Variants in CEP295 observed in about 807,000 individuals in gnomAD.
CEP295 encodes the protein centrosomal protein of 295 kDa.
Under a neutral mutation model 291.6 loss-of-function variants are expected in CEP295, and 190 were observed. That is an observed-to-expected ratio of 0.65 (90% CI 0.58 to 0.73). The LOEUF (loss-of-function observed/expected upper bound fraction) is 0.73. CEP295 is among the 30% of genes least tolerant of loss of function. The pLI, the probability that CEP295 is intolerant of heterozygous loss-of-function variation, is 0.00. For missense variants in CEP295, 2,863 were observed against 2,949.4 expected (o/e 0.97, Z 0.68); for synonymous variants, 993 against 1,038.8 (o/e 0.96, Z 0.85).
In CEP295 at chr11:93,691,908, G is replaced by A. The variant is rs1257397409; in HGVS notation, c.1430-19G>A. 2.0e-6 allele frequency: 3 copies of A among 1,472,378 alleles called. No homozygotes were observed. Among genetic ancestry groups the A allele is most frequent in the South Asian group, 2.5e-5 (2 of 78,806 alleles). 91.2% of individuals were successfully genotyped at this position (1,472,378 alleles called of 1,614,324 possible). A position where few individuals can be genotyped will look rare whatever the true frequency, so the allele number is the denominator to read the frequency against. On this transcript the variant is annotated intron_variant, in intron 11 of 29. Coordinates refer to ENST00000325212, the MANE Select transcript of CEP295 (RefSeq NM_033395.2). The stretch of plus-strand genomic sequence containing the variant: ...TTCTAAATTATTGAAACTAATTTTT[G>A]TTTGGGGCATTCCCCTAGAAATAAA...
At chr11:93,668,769 CTTGT>C (rs1453796926) in intron 3 of CEP295, 35 bp from the exon 4 acceptor site, 1 of 1,394,002 alleles carries the variant, frequency 7.2e-7, no homozygotes, top group Non-Finnish European at 9.7e-7. Context: ...TTCTATTATT[CTTGT>C]TTAACATGAC....
chr11:93,728,891 T>G lies in CEP295; in HGVS notation c.7302+70T>G, dbSNP rs77135642. 4,468 of 1,359,926 alleles carry G rather than the reference T, an allele frequency of 3.3e-3. 113 individuals are homozygous for G. In the East Asian group the frequency reaches 0.068, roughly 21 times the overall value. The allele number at this position is 1,359,926 out of a possible 1,614,324, so 84.2% of individuals were successfully genotyped here. ...CAGTTGATTTGTCTCTTACAACTTA[T>G]CAGAAGGTACTCATTGGAGGGAATT... On this transcript the variant is annotated intron_variant, in intron 25 of 29. Coordinates refer to ENST00000325212, the MANE Select transcript of CEP295 (RefSeq NM_033395.2).
intron 1 of CEP295, among the ~76,000 whole-genome samples, chr11:93,664,949 CTG>C (rs1308506305): frequency 3.3e-5 from 5 of 152,122 alleles, no homozygotes; most frequent in African/African-American, 1.2e-4. Flanking sequence ...AAAGAGCAAA[CTG>C]TAATTGATGA....
intron 18 of CEP295, among the ~76,000 whole-genome samples, chr11:93,716,822 T>C (rs922220721): frequency 6.6e-6 from 1 of 152,254 alleles, no homozygotes; most frequent in African/African-American, 2.4e-5. Context: ...AGCCTTGCAC[T>C]GGTTTATCTC....
rs1015377281 is a variant in CEP295 at position 93,702,430 on chromosome 11, G to A, written c.5275-30G>A. 1.2e-5 allele frequency: 17 copies of A among 1,460,202 alleles called. No individual in the cohort carries two copies. The African/African-American group carries it at 2.4e-4, about 21-fold the overall frequency. 90.5% of individuals were successfully genotyped at this position (1,460,202 alleles called of 1,614,324 possible). The stretch of plus-strand genomic sequence containing the variant: ...TGCTTCACATGATCCCCCAACTTGT[G>A]CTTCCCCACCCTCATCTCCACTTTT... On this transcript the variant is annotated intron_variant, in intron 15 of 29. Transcript: ENST00000325212.
rs755574775 is a variant in CEP295 at position 93,729,439 on chromosome 11, TGA to T, written c.7310_7311del (p.Glu2437ValfsTer67). ...NEAKCFFQVS[E>X]FLPLVSATEA... is the part of the protein sequence containing the mutation. Reference sequence around the variant, plus strand: ...TGCAACTTTCTTGCCATTAGGTGAGTGAGTTTCTGCCTCTTGTATCAGCAACA... The same window carrying T: ...TGCAACTTTCTTGCCATTAGGTGAGTGTTTCTGCCTCTTGTATCAGCAACA... On this transcript the variant is annotated frameshift_variant, in exon 26 of 30. Transcript: ENST00000325212. LOFTEE classifies it high-confidence loss of function. The T allele has an allele frequency of 1.9e-5, 30 of 1,549,048 alleles. No individual in the cohort carries two copies. Among genetic ancestry groups the T allele is most frequent in the Admixed American group, 3.9e-5 (2 of 50,974 alleles).
chr11:93,729,318 C>G, intron 25 of CEP295, 116 bp from the exon 26 acceptor site: 2 of 720,310 alleles, frequency 2.8e-6, no homozygotes, highest in Admixed American at 2.4e-5. Context: ...GTAGACCCAG[C>G]TAAGATTGAG....
At chr11:93,722,943 C>T in intron 20 of CEP295, 98 bp from the exon 21 acceptor site, 7 of 889,924 alleles carry the variant, frequency 7.9e-6, no homozygotes, top group Admixed American at 3.0e-5. Flanking sequence ...CTCTTGACCT[C>T]GTGATCCACC....
intron 9 of CEP295, among the ~76,000 whole-genome samples, chr11:93,684,880 A>G (rs773428888): frequency 6.6e-6 from 1 of 152,238 alleles, no homozygotes; most frequent in Admixed American, 6.5e-5. Flanking sequence ...TCAGATCATC[A>G]GAGATCCTAC....
At chr11:93,700,990 C>CT (rs150554367) in intron 15 of CEP295, among the ~76,000 whole-genome samples, 1,970 of 152,196 alleles carry the variant, frequency 0.013, 41 homozygotes, top group East Asian at 0.053. Flanking sequence ...TCATAAGACT[C>CT]GGCCCAGTGA....
At position 93,729,951 on chromosome 11, in the gene CEP295, G is replaced by A. The variant is rs74875081; in HGVS notation, c.7649G>A (p.Arg2550Lys). The A allele has an allele frequency of 1.7e-4, 256 of 1,538,672 alleles. 2 individuals are homozygous for A. In the East Asian group the frequency reaches 5.0e-3, roughly 30 times the overall value. Reference protein sequence around the residue: ...PEDRKTTQALRHQRGLRLYNQ... With the variant: ...PEDRKTTQALKHQRGLRLYNQ... ...GACAGAAAGACTACACAGGCTCTAAGGCACCAAAGGGGTCTAAGGTAGGGT... is the reference window on the plus strand; with the variant it reads ...GACAGAAAGACTACACAGGCTCTAAAGCACCAAAGGGGTCTAAGGTAGGGT... The change falls in exon 28 of 30, where the codon AGG (arginine) becomes AAG (lysine). Residue 2550 changes from arginine to lysine, a missense_variant. Physicochemically the swap from Arg to Lys is conservative, Grantham distance 26. Coordinates refer to ENST00000325212, the MANE Select transcript of CEP295 (RefSeq NM_033395.2).
At position 93,696,758 on chromosome 11, in the gene CEP295, T is replaced by C. The variant is rs1951865064; in HGVS notation, c.1846T>C (p.Ser616Pro). 6.4e-7 allele frequency: 1 copy of C among 1,551,578 alleles called. No homozygotes were observed. The change falls in exon 15 of 30, where the codon TCG becomes CCG. Residue 616 changes from serine (S) to proline (P), a missense_variant. By Grantham distance (74) the Ser-to-Pro change is moderately conservative. Coordinates refer to ENST00000325212, the MANE Select transcript of CEP295 (RefSeq NM_033395.2). ...YQTMLKGRCP[S>P]VSAPSLITDS... Reference sequence around the variant, plus strand: ...AACTATGTTAAAAGGAAGGTGCCCATCGGTGTCAGCTCCATCATTGATAAC... The same window carrying C: ...AACTATGTTAAAAGGAAGGTGCCCACCGGTGTCAGCTCCATCATTGATAAC...
chr11:93,716,025 A>G (rs938518444), intron 18 of CEP295, among the ~76,000 whole-genome samples: 2 of 152,028 alleles, frequency 1.3e-5, no homozygotes, highest in Non-Finnish European at 2.9e-5. Context: ...CTCCAAGTCT[A>G]CAAGCTCTGA....
rs1309770025 is a variant in CEP295, at chr11:93,699,026, G to A, written c.4114G>A (p.Ala1372Thr). The change falls in exon 15 of 30, where the codon GCT becomes ACT. Residue 1372 changes from alanine (A) to threonine (T), a missense_variant. By Grantham distance (58) the Ala-to-Thr change is moderately conservative. This residue lies in a region of CEP295 where 2,295 missense variants were observed against 2,335.7 expected (regional missense o/e 0.98). Coordinates refer to ENST00000325212, the MANE Select transcript of CEP295 (RefSeq NM_033395.2). ...REAIILARQE[A>T]REELLLHQSE... ...AGCCATCATTCTAGCTAGACAAGAAGCTCGGGAAGAATTACTTTTACATCA... is the reference window on the plus strand; with the variant it reads ...AGCCATCATTCTAGCTAGACAAGAAACTCGGGAAGAATTACTTTTACATCA... 8 of 1,546,816 alleles carry A rather than the reference G, an allele frequency of 5.2e-6. No individual in the cohort carries two copies. In the South Asian group the frequency reaches 9.5e-5, roughly 18 times the overall value.
chr11:93,667,590 A>T lies in CEP295; in HGVS notation c.109-17A>T. 6.6e-7 allele frequency: 1 copy of T among 1,518,982 alleles called. No individual in the cohort carries two copies. Among genetic ancestry groups the T allele is most frequent in the Non-Finnish European group, 8.8e-7 (1 of 1,132,072 alleles). The allele number at this position is 1,518,982 out of a possible 1,614,324, so 94.1% of individuals were successfully genotyped here. The stretch of plus-strand genomic sequence containing the variant: ...TAAACCTCCTTTCATATAACCTGTT[A>T]AATATGCATTCTTTAGGTTCGAGAA... On this transcript the variant is annotated splice_polypyrimidine_tract_variant and intron_variant, in intron 2 of 29. Coordinates refer to ENST00000325212, the MANE Select transcript of CEP295 (RefSeq NM_033395.2).
At chr11:93,721,812 G>C in intron 19 of CEP295, 142 bp from the exon 20 acceptor site, 1 of 726,756 alleles carries the variant, frequency 1.4e-6, no homozygotes, top group Admixed American at 1.9e-5. Context: ...ATGATGAAAA[G>C]GTTTTACTAC....
chr11:93,718,581 C>T (rs1454231321), intron 18 of CEP295, among the ~76,000 whole-genome samples: 2 of 152,132 alleles, frequency 1.3e-5, no homozygotes, highest in African/African-American at 4.8e-5. Context: ...GCAAATGCTG[C>T]CTTATTTATT....
rs950125323 is a variant in CEP295, at chr11:93,729,351, C to G, written c.7303-83C>G. ...GAGGCTGCAGTGAGGTGTGATCATG[C>G]CGCTGCACTCTAATCTGACAGCAGA... On this transcript the variant is annotated intron_variant, in intron 25 of 29. Coordinates refer to ENST00000325212, the MANE Select transcript of CEP295 (RefSeq NM_033395.2). 9 of 897,618 alleles carry G rather than the reference C, an allele frequency of 1.0e-5. No individual in the cohort carries two copies. In the African/African-American group the frequency reaches 1.5e-4, roughly 15 times the overall value. 55.6% of individuals were successfully genotyped at this position (897,618 alleles called of 1,614,324 possible).
In CEP295 at chr11:93,697,502, A is replaced by T; in HGVS notation, c.2590A>T (p.Thr864Ser). Residue 864 changes from threonine to serine, a missense_variant, in exon 15 of 30, where the codon ACT becomes TCT. By Grantham distance (58) the Thr-to-Ser change is moderately conservative (BLOSUM62 1). This residue lies in a region of CEP295 where 2,295 missense variants were observed against 2,335.7 expected (regional missense o/e 0.98). Transcript: ENST00000325212. Reference sequence around the variant, plus strand: ...CCTACAGAAGAAAGTTCTTCAGGCAACTCAGGAAGCTCAGGAACAGTTGCT... The same window carrying T: ...CCTACAGAAGAAAGTTCTTCAGGCATCTCAGGAAGCTCAGGAACAGTTGCT... The part of the protein sequence containing the change: ...LDLQKKVLQA[T>S]QEAQEQLLLC... The T allele has an allele frequency of 6.4e-7, 1 of 1,551,910 alleles. No individual in the cohort carries two copies. Among genetic ancestry groups the T allele is most frequent in the Non-Finnish European group, 8.7e-7 (1 of 1,147,012 alleles).
Sources: gnomAD v4.1 joint callset for allele counts (sites outside exome capture counted in the v4.1 genomes callset) on GRCh38, gnomAD v4.1.1 for gene constraint, gnomAD v4.1.1 regional missense constraint, MANE v1.5 for transcripts, NCBI Gene and HGNC (gene_info 2026-07-23, HGNC 2026-07-21) for gene names.